Variants in NCALD observed in about 807,000 individuals in gnomAD.
NCALD encodes the protein neurocalcin-delta.
Under a neutral mutation model 18.6 loss-of-function variants are expected in NCALD, and 10 were observed. That is an observed-to-expected ratio of 0.54 (90% CI 0.33 to 0.91). NCALD has a LOEUF of 0.91. Among genes scored for constraint, NCALD ranks in the 40% least tolerant of loss-of-function variants. The pLI is 0.03. For missense variants in NCALD, 184 were observed against 247.6 expected (o/e 0.74, Z 1.72); for synonymous variants, 88 against 87.4 (o/e 1.01, Z -0.04).
At chr8:101,892,965 C>G (rs1410150634) in intron 3 of NCALD, among the ~76,000 whole-genome samples, 2 of 149,186 alleles carry the variant, frequency 1.3e-5, no homozygotes, top group Non-Finnish European at 2.9e-5. Context: ...GAGAACTTCC[C>G]CAATCTAGCA....
rs116278579 is a variant in NCALD, at chr8:101,938,816, C to A, written c.-156-22958G>T. Among the ~76,000 whole-genome samples, 793 of 152,368 alleles carry A rather than the reference C, an allele frequency of 5.2e-3. 4 individuals are homozygous for A. The highest frequency in any genetic ancestry group is 0.018 in the African/African-American group (759 of 41,584). On this transcript the variant is annotated intron_variant, in intron 2 of 6. Coordinates refer to the NCALD transcript ENST00000311028. ...CACAGGGACATGACCCCATGTATCCCTGATAATTGCAAAGTGATCACCAGC... is the reference window on the plus strand; with the variant it reads ...CACAGGGACATGACCCCATGTATCCATGATAATTGCAAAGTGATCACCAGC...
chr8:101,701,325 G>T (rs540183596), intron 2 of NCALD, among the ~76,000 whole-genome samples: 1 of 152,320 alleles, frequency 6.6e-6, no homozygotes, highest in Admixed American at 6.5e-5. Context: ...AAACCGTGAA[G>T]AGACCAGGCT....
At chr8:102,107,589 A>C (rs1013196873) in intron 1 of NCALD, among the ~76,000 whole-genome samples, 5 of 152,172 alleles carry the variant, frequency 3.3e-5, no homozygotes, top group African/African-American at 4.8e-5. Context: ...TCCCAAGTAA[A>C]GGGACATTCT....
chr8:101,984,136 A>G (rs377091694), intron 2 of NCALD, among the ~76,000 whole-genome samples: 2 of 152,214 alleles, frequency 1.3e-5, no homozygotes, highest in East Asian at 3.8e-4. Flanking sequence ...GTTTATAAAA[A>G]TGGCTCACTC....
intron 4 of NCALD, chr8:101,872,255 C>T: frequency 7.1e-7 from 1 of 1,410,074 alleles, no homozygotes. Context: ...TAATACTTCC[C>T]TGAAATCTCC....
intron 1 of NCALD, among the ~76,000 whole-genome samples, chr8:102,063,219 C>T (rs1403332097): frequency 6.6e-6 from 1 of 152,186 alleles, no homozygotes; most frequent in Non-Finnish European, 1.5e-5. Context: ...TGCAATGGCC[C>T]AGATTCCCTT....
chr8:102,058,497 T>G (rs1267551815), intron 1 of NCALD, among the ~76,000 whole-genome samples: 1 of 152,212 alleles, frequency 6.6e-6, no homozygotes, highest in Non-Finnish European at 1.5e-5. Flanking sequence ...TCTAAAATAG[T>G]CAATCAACAG....
At chr8:102,029,757 G>A (rs1481495082) in intron 1 of NCALD, among the ~76,000 whole-genome samples, 1 of 152,198 alleles carries the variant, frequency 6.6e-6, no homozygotes, top group Non-Finnish European at 1.5e-5. Flanking sequence ...GGGGAGGGAT[G>A]TGATAAGCTT....
chr8:101,727,620 A>G (rs562800763), intron 1 of NCALD, among the ~76,000 whole-genome samples: 1 of 152,366 alleles, frequency 6.6e-6, no homozygotes, highest in African/African-American at 2.4e-5. Flanking sequence ...AGCTGCGACT[A>G]CAGATGCACA....
At chr8:101,915,376 AG>A (rs1484659550) in intron 3 of NCALD, 3 of 152,188 alleles carry the variant, frequency 2.0e-5, no homozygotes, top group African/African-American at 7.2e-5. Flanking sequence ...TGTGCCCATT[AG>A]GTGCCAGACT....
At chr8:101,827,471 C>T (rs150085112) in intron 4 of NCALD, among the ~76,000 whole-genome samples, 15 of 152,298 alleles carry the variant, frequency 9.8e-5, no homozygotes, top group Middle Eastern at 3.4e-3. Flanking sequence ...ACAAATAGTA[C>T]GTGAGATCAT....
chr8:101,838,980 A>G (rs528970524), intron 4 of NCALD, among the ~76,000 whole-genome samples: 15 of 152,310 alleles, frequency 9.8e-5, no homozygotes, highest in African/African-American at 3.6e-4. Context: ...TACCCATGTT[A>G]TTGGGGAAAC....
intron 2 of NCALD, among the ~76,000 whole-genome samples, chr8:101,696,324 C>T (rs1219513561): frequency 1.3e-5 from 2 of 152,192 alleles, no homozygotes; most frequent in Non-Finnish European, 2.9e-5. Context: ...TAAAGAAATA[C>T]ATGTAAAACC....
chr8:101,752,458 T>C (rs1281806944), intron 1 of NCALD, among the ~76,000 whole-genome samples: 1 of 152,230 alleles, frequency 6.6e-6, no homozygotes, highest in African/African-American at 2.4e-5. Flanking sequence ...CATAACAACT[T>C]AGTGGCCTGA....
intron 1 of NCALD, among the ~76,000 whole-genome samples, chr8:102,067,368 A>C (rs1217384117): frequency 6.6e-6 from 1 of 152,182 alleles, no homozygotes; most frequent in Non-Finnish European, 1.5e-5. Flanking sequence ...AATGTTACTC[A>C]AACACTTAAC....
intron 1 of NCALD, among the ~76,000 whole-genome samples, chr8:102,046,215 T>C (rs1192421606): frequency 6.6e-6 from 1 of 152,194 alleles, no homozygotes; most frequent in African/African-American, 2.4e-5. Flanking sequence ...GGTCCTTAAA[T>C]GGTCCCACTA....
chr8:101,922,211 T>C (rs1050195939), intron 2 of NCALD, among the ~76,000 whole-genome samples: 1 of 151,278 alleles, frequency 6.6e-6, no homozygotes, highest in African/African-American at 2.4e-5. Context: ...AAAAAAGTGC[T>C]TGGTTAAATG....
At chr8:102,103,414 T>C (rs1217508956) in intron 1 of NCALD, among the ~76,000 whole-genome samples, 1 of 152,186 alleles carries the variant, frequency 6.6e-6, no homozygotes, top group Non-Finnish European at 1.5e-5. Context: ...AGGAAAATTA[T>C]ATAAAACTAT....
At chr8:101,955,251 G>A (rs1819579866) in intron 2 of NCALD, among the ~76,000 whole-genome samples, 2 of 152,178 alleles carry the variant, frequency 1.3e-5, no homozygotes, top group Admixed American at 6.5e-5. Flanking sequence ...TTTAGAAGGG[G>A]GGAGGACGTT....
Sources: allele counts gnomAD v4.1 joint callset (sites outside exome capture counted in the v4.1 genomes callset), GRCh38; gene constraint gnomAD v4.1.1; transcripts MANE v1.5; gene names NCBI Gene and HGNC (gene_info 2026-07-23, HGNC 2026-07-21).